The following STK32B variants were observed in gnomAD, a reference collection of about 807,000 sequenced individuals.
STK32B encodes the protein serine/threonine kinase 32B, also known as serine/threonine-protein kinase 32B.
In STK32B, 43 loss-of-function variants were observed where a neutral mutation model predicts 52.6. That is an observed-to-expected ratio of 0.82 (90% CI 0.64 to 1.05). The LOEUF is 1.05. STK32B is among the 50% of genes least tolerant of loss of function. STK32B has a pLI of 0.00. For synonymous variants in STK32B, 238 were observed against 204.3 expected, an observed-to-expected ratio of 1.17 and a Z score of -1.41; for missense variants, 621 against 534.6, an observed-to-expected ratio of 1.16 and a Z score of -1.59.
intron 4 of STK32B, among the ~76,000 whole-genome samples, chr4:5,381,510 T>C (rs897566700): frequency 7.9e-5 from 12 of 152,206 alleles, no homozygotes; most frequent in African/African-American, 2.9e-4. Context: ...AATGAGATCA[T>C]GCCCGTGCAG....
At chr4:5,200,781 A>G (rs1015228833) in intron 3 of STK32B, among the ~76,000 whole-genome samples, 3 of 152,192 alleles carry the variant, frequency 2.0e-5, no homozygotes, top group Non-Finnish European at 4.4e-5. Context: ...GATTTCACCA[A>G]GCATCACATC....
intron 3 of STK32B, among the ~76,000 whole-genome samples, chr4:5,186,847 T>C (rs77294559): frequency 0.028 from 4,313 of 152,334 alleles, 86 homozygotes; most frequent in Admixed American, 0.047. Context: ...CTTCATCTTA[T>C]GCTTTAAAGA....
chr4:5,059,254 C>A (rs1742128062), intron 1 of STK32B, among the ~76,000 whole-genome samples: 1 of 151,774 alleles, frequency 6.6e-6, no homozygotes, highest in African/African-American at 2.4e-5. Context: ...TATAACCACG[C>A]CTATCCTGAC....
chr4:5,155,710 C>A (rs955185539), intron 2 of STK32B, among the ~76,000 whole-genome samples: 4 of 152,132 alleles, frequency 2.6e-5, no homozygotes, highest in East Asian at 1.9e-4. Context: ...CACTTCCTTG[C>A]TCTCTTTCTC....
At chr4:5,268,692 C>G (rs1310281429) in intron 3 of STK32B, among the ~76,000 whole-genome samples, 3 of 151,920 alleles carry the variant, frequency 2.0e-5, no homozygotes, top group African/African-American at 4.8e-5. Context: ...CTGTCCTGTT[C>G]ACGATATATT....
At chr4:5,045,350 A>C in the STK32B span, among the ~76,000 whole-genome samples, 1 of 152,316 alleles carries the variant, frequency 6.6e-6, no homozygotes, top group Admixed American at 6.5e-5. Flanking sequence ...TCTGTCTGCA[A>C]TACTTTCATT....
chr4:5,044,267 A>T, the STK32B span, among the ~76,000 whole-genome samples: 1 of 151,974 alleles, frequency 6.6e-6, no homozygotes, highest in Non-Finnish European at 1.5e-5. Context: ...AACCTTCTCC[A>T]ATCTCAGGGC....
At chr4:5,344,726 G>T (rs530783235) in intron 4 of STK32B, among the ~76,000 whole-genome samples, 2 of 150,622 alleles carry the variant, frequency 1.3e-5, no homozygotes, top group South Asian at 4.2e-4. Context: ...ATTAAGAGCA[G>T]TAATAGATTA....
At chr4:5,270,934 C>G (rs1727382902) in intron 3 of STK32B, among the ~76,000 whole-genome samples, 1 of 152,216 alleles carries the variant, frequency 6.6e-6, no homozygotes, top group South Asian at 2.1e-4. Context: ...TTTCTTCCCT[C>G]CACACCCCCC....
intron 1 of STK32B, among the ~76,000 whole-genome samples, chr4:5,102,452 C>CCTTCCTTG (rs1713844109): frequency 7.1e-5 from 5 of 70,764 alleles, no homozygotes; most frequent in Non-Finnish European, 1.7e-4. Context: ...TTCCTTCCTT[C>CCTTCCTTG]CTTCCTTCCT....
chr4:5,296,928 T>G (rs1017537494), intron 3 of STK32B, among the ~76,000 whole-genome samples: 3 of 152,214 alleles, frequency 2.0e-5, no homozygotes, highest in Non-Finnish European at 2.9e-5. Flanking sequence ...GTTTTTACTT[T>G]CCATATTTAG....
At chr4:5,444,186 G>A (rs1367185719) in intron 6 of STK32B, among the ~76,000 whole-genome samples, 28 of 152,148 alleles carry the variant, frequency 1.8e-4, no homozygotes, top group Non-Finnish European at 3.1e-4. Context: ...AATGGCGGGC[G>A]CCCCTCCCCC....
At chr4:5,299,982 A>G (rs1049605724) in intron 3 of STK32B, among the ~76,000 whole-genome samples, 3 of 152,022 alleles carry the variant, frequency 2.0e-5, no homozygotes, top group African/African-American at 7.3e-5. Context: ...CAAAGATATA[A>G]CAAAAAAAGG....
chr4:5,319,675 G>T (rs776359055), intron 3 of STK32B, among the ~76,000 whole-genome samples: 1 of 152,116 alleles, frequency 6.6e-6, no homozygotes, highest in Non-Finnish European at 1.5e-5. Context: ...CTCCTCTCTG[G>T]TTCTATCAAC....
At chr4:5,083,706 G>T (rs1209960910) in intron 1 of STK32B, among the ~76,000 whole-genome samples, 3 of 151,592 alleles carry the variant, frequency 2.0e-5, no homozygotes, top group Non-Finnish European at 2.9e-5. Flanking sequence ...TATCTATTTT[G>T]CTTCCTTAGA....
chr4:5,203,636 A>T (rs2108777779), intron 3 of STK32B, among the ~76,000 whole-genome samples: 1 of 152,300 alleles, frequency 6.6e-6, no homozygotes, highest in African/African-American at 2.4e-5. Context: ...AGTGCCTACC[A>T]TACTGCCTGA....
chr4:5,080,483 C>T (rs1263798424), intron 1 of STK32B, among the ~76,000 whole-genome samples: 1 of 152,150 alleles, frequency 6.6e-6, no homozygotes, highest in Non-Finnish European at 1.5e-5. Flanking sequence ...TCTGAAACGT[C>T]AGTTTCTCAA....
At chr4:5,343,687 A>G (rs988141998) in intron 4 of STK32B, among the ~76,000 whole-genome samples, 2 of 152,214 alleles carry the variant, frequency 1.3e-5, no homozygotes, top group African/African-American at 4.8e-5. Flanking sequence ...TGTCTAAAAC[A>G]CCAAAAGCAA....
intron 3 of STK32B, among the ~76,000 whole-genome samples, chr4:5,235,860 A>C (rs1216138126): frequency 6.6e-6 from 1 of 152,232 alleles, no homozygotes; most frequent in Admixed American, 6.5e-5. Context: ...GCCTGTAGAC[A>C]CATAGGAGAG....
Sources: gnomAD v4.1 joint callset for allele counts (sites outside exome capture counted in the v4.1 genomes callset) on GRCh38, gnomAD v4.1.1 for gene constraint, MANE v1.5 for transcripts, NCBI Gene and HGNC (gene_info 2026-07-23, HGNC 2026-07-21) for gene names.